Variants in CMIP observed in about 807,000 individuals in gnomAD.
The protein encoded by CMIP is c-Maf inducing protein, also known as C-Maf-inducing protein.
In CMIP, 13 loss-of-function variants were observed where a neutral mutation model predicts 97.3. That is an observed-to-expected ratio of 0.13 (90% CI 0.09 to 0.21). The LOEUF is 0.21. Among genes scored for constraint, CMIP ranks in the 10% least tolerant of loss-of-function variants. The pLI is 1.00. For missense variants in CMIP, 847 were observed against 1,024.9 expected, an observed-to-expected ratio of 0.83 and a Z score of 2.37; for synonymous variants, 538 against 436.3, an observed-to-expected ratio of 1.23 and a Z score of -2.91.
chr16:81,585,530 C>T (rs893566457), intron 1 of CMIP, among the ~76,000 whole-genome samples: 16 of 152,176 alleles, frequency 1.1e-4, no homozygotes, highest in African/African-American at 3.9e-4. Flanking sequence ...TGTGGATTTG[C>T]CTATTCTGGA....
chr16:81,537,275 C>G (rs553028762), intron 1 of CMIP, among the ~76,000 whole-genome samples: 2 of 152,098 alleles, frequency 1.3e-5, no homozygotes, highest in Non-Finnish European at 2.9e-5. Flanking sequence ...TGGCTCACAC[C>G]TGTAATGCCG....
chr16:81,535,316 C>T (rs1275338829), intron 1 of CMIP, among the ~76,000 whole-genome samples: 2 of 152,144 alleles, frequency 1.3e-5, no homozygotes, highest in Non-Finnish European at 2.9e-5. Flanking sequence ...AGAGGTCAAG[C>T]AACCTGCCCA....
At chr16:81,533,861 G>A (rs1263800396) in intron 1 of CMIP, 1 of 152,258 alleles carries the variant, frequency 6.6e-6, no homozygotes, top group Non-Finnish European at 1.5e-5. Context: ...AGGGCCGCAG[G>A]GAACACTAGT....
At chr16:81,596,526 A>AAT (rs1474758244) in intron 1 of CMIP, among the ~76,000 whole-genome samples, 3 of 151,834 alleles carry the variant, frequency 2.0e-5, no homozygotes, top group Admixed American at 1.3e-4. Flanking sequence ...AAAAAAAAAA[A>AAT]ATTTCAATTG....
chr16:81,573,352 A>AC (rs2091130767), intron 1 of CMIP, among the ~76,000 whole-genome samples: 1 of 146,934 alleles, frequency 6.8e-6, no homozygotes. Flanking sequence ...TCAAAAAATA[A>AC]AAAAAAAAAA....
At chr16:81,589,327 G>T (rs1465606805) in intron 1 of CMIP, among the ~76,000 whole-genome samples, 1 of 151,956 alleles carries the variant, frequency 6.6e-6, no homozygotes. Flanking sequence ...GAACTCCTGG[G>T]GTCAAGTGAT....
chr16:81,698,327 G>A (rs992887059), intron 14 of CMIP, among the ~76,000 whole-genome samples: 3 of 152,188 alleles, frequency 2.0e-5, no homozygotes, highest in Non-Finnish European at 4.4e-5. Flanking sequence ...GGCCCCCATC[G>A]CCCATGCACC....
intron 2 of CMIP, among the ~76,000 whole-genome samples, chr16:81,610,074 A>G (rs932434014): frequency 1.3e-5 from 2 of 152,120 alleles, no homozygotes; most frequent in African/African-American, 4.8e-5. Context: ...CTGAGCCTCC[A>G]CTTTCCTGCT....
Position 81,655,439 on chromosome 16 carries a change from C to G in CMIP, c.640-2336C>G, listed in dbSNP as rs2092471511. Among the ~76,000 whole-genome samples, 3 of 152,292 alleles carry G rather than the reference C, an allele frequency of 2.0e-5. No individual in the cohort carries two copies. The South Asian group carries it at 6.2e-4, about 32-fold the overall frequency. On this transcript the variant is annotated intron_variant, in intron 4 of 20. Transcript: ENST00000537098. The surrounding 1 kb of genome is among the most constrained non-coding windows in gnomAD (Gnocchi z 4.9). ...GCTGGCTGTCCCCACCCTCCCAGGC[C>G]TTTGTTGAGTTGCGTGTAAAGTGGC...
chr16:81,639,216 C>T (rs956968589), intron 3 of CMIP, among the ~76,000 whole-genome samples: 2 of 152,192 alleles, frequency 1.3e-5, no homozygotes, highest in Admixed American at 1.3e-4. Flanking sequence ...ACCTGTTAAC[C>T]CCGGCTGCAC....
chr16:81,473,049 C>G (rs1301883908), intron 1 of CMIP, among the ~76,000 whole-genome samples: 2 of 152,176 alleles, frequency 1.3e-5, no homozygotes, highest in Non-Finnish European at 2.9e-5. Flanking sequence ...CCTCAGCATC[C>G]TGATCTATAA....
chr16:81,707,868 C>T (rs142347170), intron 20 of CMIP, among the ~76,000 whole-genome samples: 29 of 152,334 alleles, frequency 1.9e-4, no homozygotes, highest in Admixed American at 5.2e-4. Context: ...TGAGAAGGCA[C>T]AGATGGCACC....
At chr16:81,573,431 T>A (rs1453844568) in intron 1 of CMIP, among the ~76,000 whole-genome samples, 1 of 152,042 alleles carries the variant, frequency 6.6e-6, no homozygotes, top group Non-Finnish European at 1.5e-5. Context: ...ACCCTTTTAA[T>A]AAGGAAAGGT....
chr16:81,562,624 C>T (rs746530160), intron 1 of CMIP, among the ~76,000 whole-genome samples: 4 of 152,232 alleles, frequency 2.6e-5, no homozygotes, highest in Non-Finnish European at 5.9e-5. Flanking sequence ...CCATGCCTGG[C>T]GGATGGCCCC....
chr16:81,562,729 A>G (rs542715537), intron 1 of CMIP, among the ~76,000 whole-genome samples: 2 of 152,372 alleles, frequency 1.3e-5, no homozygotes, highest in South Asian at 4.1e-4. Context: ...CAGAGCCAGC[A>G]CCGAAGGGCT....
chr16:81,644,029 A>G (rs968490705), intron 3 of CMIP, among the ~76,000 whole-genome samples: 2 of 152,012 alleles, frequency 1.3e-5, no homozygotes, highest in Non-Finnish European at 2.9e-5. Flanking sequence ...AGTCAGAGAG[A>G]AAAAAAATAG....
chr16:81,472,448 G>A (rs1377881688), intron 1 of CMIP, among the ~76,000 whole-genome samples: 2 of 152,202 alleles, frequency 1.3e-5, no homozygotes, highest in Non-Finnish European at 2.9e-5. Flanking sequence ...CCCATGCGTG[G>A]AGGAGTGGCC....
chr16:81,452,880 G>GTTTT (rs1220926915), intron 1 of CMIP, among the ~76,000 whole-genome samples: 1 of 63,734 alleles, frequency 1.6e-5, no homozygotes, highest in African/African-American at 8.8e-5. Flanking sequence ...TTTTTTTTTT[G>GTTTT]TTTTGTTTTT....
chr16:81,584,796 T>TC (rs911374090), intron 1 of CMIP, among the ~76,000 whole-genome samples: 1 of 152,150 alleles, frequency 6.6e-6, no homozygotes. Context: ...TACTTCATTC[T>TC]CCCTCTGTCC....
Sources: gnomAD v4.1 joint callset for allele counts (sites outside exome capture counted in the v4.1 genomes callset) on GRCh38, gnomAD v4.1.1 for gene constraint, Gnocchi (gnomAD v3.1) non-coding constraint, MANE v1.5 for transcripts, NCBI Gene and HGNC (gene_info 2026-07-23, HGNC 2026-07-21) for gene names.